The following POLN variants were observed in gnomAD, a reference collection of about 807,000 sequenced individuals.
POLN encodes DNA polymerase nu.
A neutral mutation model predicts 113.5 loss-of-function variants in POLN; 108 were observed. The observed-to-expected ratio is 0.95, with a 90% CI of 0.81 to 1.12. POLN has a LOEUF of 1.12. Among genes scored for constraint, POLN ranks in the 50% most tolerant of loss-of-function variants. POLN has a pLI of 0.00. For synonymous variants in POLN, 386 were observed against 391.5 expected (o/e 0.99, Z 0.17); for missense variants, 1,097 against 1,077.1 (o/e 1.02, Z -0.26).
At chr4:2,198,353 G>C (rs1733630048) in intron 6 of POLN, among the ~76,000 whole-genome samples, 171 bp downstream of exon 6, 1 of 152,182 alleles carries the variant, frequency 6.6e-6, no homozygotes, top group African/African-American at 2.4e-5. Flanking sequence ...CTCTGGGAGA[G>C]AGAGGGCCAG....
At chr4:2,159,617 G>C (rs34875682) in intron 13 of POLN, among the ~76,000 whole-genome samples, 4 of 152,188 alleles carry the variant, frequency 2.6e-5, no homozygotes, top group Non-Finnish European at 5.9e-5. Context: ...GAAAGTGCAA[G>C]AGAGTAAGAA....
rs1731611860 is a variant in POLN, at chr4:2,127,467, C to T, written c.1982+646G>A. Among the ~76,000 whole-genome samples the T allele has an allele frequency of 6.6e-6, 1 of 152,124 alleles. No homozygotes were observed. The highest frequency in any genetic ancestry group is 6.6e-5 in the Admixed American group (1 of 15,262). ...ATAGCTGTTGTCTGCACCGGGCTCT[C>T]CAAGAGCACCTTGACTTTCCTGGGC... On this transcript the variant is annotated intron_variant, in intron 19 of 25. Coordinates refer to ENST00000511885, the MANE Select transcript of POLN (RefSeq NM_181808.4). The surrounding 1 kb of genome is among the most constrained non-coding windows in gnomAD (Gnocchi z 4.7).
chr4:2,082,283 C>T (rs1730439832), intron 21 of POLN, among the ~76,000 whole-genome samples: 1 of 152,162 alleles, frequency 6.6e-6, no homozygotes, highest in Non-Finnish European at 1.5e-5. Context: ...TCTGTACTCT[C>T]CTGACTTCCA....
intron 4 of POLN, among the ~76,000 whole-genome samples, 185 bp from the exon 5 acceptor site, chr4:2,208,672 G>A (rs1733918387): frequency 1.3e-5 from 2 of 152,060 alleles, no homozygotes; most frequent in African/African-American, 2.4e-5. Context: ...CTCAACCAAG[G>A]TAGGCATGCA....
intron 19 of POLN, among the ~76,000 whole-genome samples, chr4:2,106,312 A>G (rs1731065186): frequency 6.6e-6 from 1 of 152,202 alleles, no homozygotes; most frequent in East Asian, 1.9e-4. Context: ...ACTGGCATGA[A>G]TATCTTAACT....
rs35850407 is a variant in POLN at position 2,080,022 on chromosome 4, G to A, written c.2387+936C>T. ...GTGCTTAGACCCCCACGGGACTGTCGCCAAGAGCTTGAGGGCTCTTAGGGT... is the reference window on the plus strand; with the variant it reads ...GTGCTTAGACCCCCACGGGACTGTCACCAAGAGCTTGAGGGCTCTTAGGGT... On this transcript the variant is annotated intron_variant, in intron 23 of 25. Transcript: ENST00000511885. 3.4e-3 allele frequency: 3,315 copies of A among 985,500 alleles called. 15 individuals carry two copies. Among genetic ancestry groups the A allele is most frequent in the South Asian group, 4.0e-3 (85 of 21,286 alleles). The allele number at this position is 985,500 out of a possible 1,614,324, so 61.0% of individuals were successfully genotyped here. A position where few individuals can be genotyped will look rare whatever the true frequency, so the allele number is the denominator to read the frequency against.
intron 19 of POLN, among the ~76,000 whole-genome samples, chr4:2,113,934 C>G (rs1260017358): frequency 1.3e-5 from 2 of 150,268 alleles, no homozygotes; most frequent in East Asian, 3.9e-4. Flanking sequence ...GATTCTCACT[C>G]TGTCACCCAG....
At chr4:2,180,558 C>T (rs1267047499) in intron 7 of POLN, among the ~76,000 whole-genome samples, 1 of 152,312 alleles carries the variant, frequency 6.6e-6, no homozygotes, top group East Asian at 1.9e-4. Flanking sequence ...AAGGCTCTTA[C>T]AGTAGCACAT....
intron 19 of POLN, among the ~76,000 whole-genome samples, chr4:2,098,919 C>T (rs1031146825): frequency 1.6e-3 from 4 of 2,534 alleles, no homozygotes; most frequent in African/African-American, 1.8e-3. Flanking sequence ...CGTGCGTGCG[C>T]ACACACACAC....
chr4:2,214,253 G>A (rs1000548655), intron 3 of POLN, among the ~76,000 whole-genome samples: 4 of 151,828 alleles, frequency 2.6e-5, no homozygotes, highest in Non-Finnish European at 5.9e-5. Flanking sequence ...AAAAAAGTAA[G>A]CTTAAAAAAG....
intron 19 of POLN, among the ~76,000 whole-genome samples, chr4:2,117,133 A>C (rs1236527399): frequency 6.6e-6 from 1 of 152,148 alleles, no homozygotes; most frequent in Non-Finnish European, 1.5e-5. Context: ...TGTGGCCCAG[A>C]CTACATCTGG....
chr4:2,089,341 G>A (rs1431444026), intron 20 of POLN: 2 of 1,388,016 alleles, frequency 1.4e-6, no homozygotes, highest in African/African-American at 2.9e-5. Flanking sequence ...TCCTGGTGAA[G>A]ACTGACAGTG....
intron 4 of POLN, among the ~76,000 whole-genome samples, chr4:2,212,131 G>A (rs954599951): frequency 1.3e-5 from 2 of 152,128 alleles, no homozygotes; most frequent in African/African-American, 4.8e-5. Context: ...GTTGAACACA[G>A]GTAGTTTACT....
chr4:2,201,277 C>CAAAAAAAAAAA lies in POLN; in HGVS notation c.715-2571_715-2561dup, dbSNP rs35399602. ...GTGAGACTCTGTCCCCCTACCACTC[C>CAAAAAAAAAAA]AAAAAAAAAAAAAAAAAAAAAAAAA... On this transcript the variant is annotated intron_variant, in intron 5 of 25. Coordinates refer to ENST00000511885, the MANE Select transcript of POLN (RefSeq NM_181808.4). Among the ~76,000 whole-genome samples the CAAAAAAAAAAA allele has an allele frequency of 2.3e-3, 37 of 15,834 alleles. 16 individuals carry two copies. Among genetic ancestry groups the CAAAAAAAAAAA allele is most frequent in the African/African-American group, 0.017 (36 of 2,076 alleles). 10.4% of individuals were successfully genotyped at this position (15,834 alleles called of 152,430 possible).
In POLN at chr4:2,075,477, T is replaced by C. The variant is rs755823696; in HGVS notation, c.2430A>G (p.Glu810=). 1 of 1,613,552 alleles carries C rather than the reference T, an allele frequency of 6.2e-7. No homozygotes were observed. The highest frequency in any genetic ancestry group is 8.5e-7 in the Non-Finnish European group (1 of 1,180,022). Residue 810 remains glutamate, a synonymous_variant, in exon 24 of 26, where the codon GAA becomes GAG. Coordinates refer to ENST00000511885, the MANE Select transcript of POLN (RefSeq NM_181808.4). The part of the protein sequence containing the change: ...QIHDELLFEV[E]DPQIPECAAL... ...CTGCACACTCCGGGATCTGCGGATCTTCCACTTCAAACAGCAGCTCATCAT... is the reference window on the plus strand; with the variant it reads ...CTGCACACTCCGGGATCTGCGGATCCTCCACTTCAAACAGCAGCTCATCAT...
intron 5 of POLN, among the ~76,000 whole-genome samples, chr4:2,206,069 C>G (rs561539382): frequency 1.9e-4 from 29 of 152,144 alleles, no homozygotes; most frequent in African/African-American, 6.5e-4. Context: ...ACCAATTGAA[C>G]CAAATAGAGA....
rs760040056 is a variant in POLN at position 2,072,161 on chromosome 4, T to C, written c.2656A>G (p.Ser886Gly). 1.9e-6 allele frequency: 3 copies of C among 1,611,972 alleles called. No individual in the cohort carries two copies. Among genetic ancestry groups the C allele is most frequent in the Non-Finnish European group, 2.5e-6 (3 of 1,179,232 alleles). ...NSLAAPGSPA[S>G]TQPPPLHFSP... ...AAATGCAGGGGTGGGGGCTGGGTGC[T>C]GGCAGGGGACCCAGGGGCAGCCAGG... Residue 886 changes from serine (S) to glycine (G), a missense_variant, in exon 26 of 26, where the codon AGC becomes GGC. Ser to Gly is a moderately conservative substitution (Grantham distance 56). Transcript: ENST00000511885.
At chr4:2,180,431 T>A (rs1213974695) in intron 7 of POLN, among the ~76,000 whole-genome samples, 1 of 152,184 alleles carries the variant, frequency 6.6e-6, no homozygotes, top group African/African-American at 2.4e-5. Context: ...AAAACTATAG[T>A]CTTAGATCAT....
chr4:2,111,524 T>G lies in POLN; in HGVS notation c.1983-15591A>C, dbSNP rs569230289. On this transcript the variant is annotated intron_variant, in intron 19 of 25. Transcript: ENST00000511885. ...TCAGCCCAAAATCTCCTTCAGCTGA[T>G]AAGCAACTTCAGCAAAGTCTCAGGA... Among the ~76,000 whole-genome samples the G allele has an allele frequency of 3.1e-3, 475 of 152,354 alleles. 2 individuals are homozygous for G. Among genetic ancestry groups the G allele is most frequent in the Non-Finnish European group, 5.1e-3 (350 of 68,036 alleles).
Sources: gnomAD v4.1 joint callset for allele counts (sites outside exome capture counted in the v4.1 genomes callset) on GRCh38, gnomAD v4.1.1 for gene constraint, Gnocchi (gnomAD v3.1) non-coding constraint, MANE v1.5 for transcripts, NCBI Gene and HGNC (gene_info 2026-07-23, HGNC 2026-07-21) for gene names.